The following TRHDE variants were observed in gnomAD, a reference collection of about 807,000 sequenced individuals.
TRHDE encodes thyrotropin releasing hormone degrading enzyme.
In TRHDE, 72 loss-of-function variants were observed where a neutral mutation model predicts 125.7. That is an observed-to-expected ratio of 0.57 (90% CI 0.47 to 0.70). TRHDE has a LOEUF of 0.70. Ranked by LOEUF, TRHDE falls within the 30% of genes least tolerant of loss-of-function variation. TRHDE has a pLI of 0.00. For missense variants in TRHDE, 1,110 were observed against 1,327.1 expected (o/e 0.84, Z 2.54); for synonymous variants, 509 against 509.1 (o/e 1.00, Z 0.00).
intron 2 of TRHDE, among the ~76,000 whole-genome samples, chr12:72,106,039 G>A (rs537124235): frequency 4.9e-4 from 75 of 152,204 alleles, no homozygotes; most frequent in African/African-American, 1.8e-3. Context: ...TGTATTGCTG[G>A]TGGATGATAT....
At chr12:72,568,776 G>A (rs1870580436) in intron 10 of TRHDE, 120 bp downstream of exon 10, 2 of 576,470 alleles carry the variant, frequency 3.5e-6, no homozygotes, top group African/African-American at 3.7e-5. Context: ...AGAATATAAA[G>A]GAATGATTAT....
At chr12:72,466,411 C>G (rs1210005143) in intron 3 of TRHDE, among the ~76,000 whole-genome samples, 2 of 152,144 alleles carry the variant, frequency 1.3e-5, no homozygotes, top group African/African-American at 2.4e-5. Flanking sequence ...AGGCTTGGGT[C>G]AGAAGGCTTG....
intron 5 of TRHDE, among the ~76,000 whole-genome samples, chr12:72,473,655 T>G (rs1876754656): frequency 6.6e-6 from 1 of 152,140 alleles, no homozygotes; most frequent in Non-Finnish European, 1.5e-5. Context: ...ATTTTATATA[T>G]GAAGTTATTC....
At chr12:72,646,862 G>T (rs1874302170) in intron 15 of TRHDE, among the ~76,000 whole-genome samples, 1 of 151,834 alleles carries the variant, frequency 6.6e-6, no homozygotes, top group East Asian at 1.9e-4. Context: ...ACTGAAGGGA[G>T]AAATAAAAAA....
chr12:72,618,778 CTGAATA>C, intron 12 of TRHDE, 107 bp from the exon 13 acceptor site: 1 of 828,202 alleles, frequency 1.2e-6, no homozygotes, highest in Non-Finnish European at 1.8e-6. Context: ...TCTTATAACA[CTGAATA>C]TGCTTTCTTT....
chr12:72,246,937 G>A (rs1878585972), intron 2 of TRHDE, among the ~76,000 whole-genome samples: 1 of 152,160 alleles, frequency 6.6e-6, no homozygotes. Flanking sequence ...ACTGTATTCA[G>A]TTGGATGAAG....
At chr12:72,354,931 A>G (rs79519229) in intron 2 of TRHDE, among the ~76,000 whole-genome samples, 3,472 of 151,520 alleles carry the variant, frequency 0.023, 139 homozygotes, top group African/African-American at 0.077. Flanking sequence ...TGTGATAAGT[A>G]CTATGAGATA....
intron 2 of TRHDE, among the ~76,000 whole-genome samples, chr12:72,266,677 A>G (rs1219553261): frequency 6.6e-6 from 1 of 151,884 alleles, no homozygotes; most frequent in East Asian, 1.9e-4. Flanking sequence ...TTCATAATTT[A>G]TGTAGCAAGT....
chr12:72,399,198 A>T (rs568766797), intron 3 of TRHDE, among the ~76,000 whole-genome samples: 1 of 152,334 alleles, frequency 6.6e-6, no homozygotes, highest in African/African-American at 2.4e-5. Flanking sequence ...TGGAAAAATT[A>T]TCTTCCACAA....
chr12:72,381,526 G>A (rs1041423624), intron 3 of TRHDE, among the ~76,000 whole-genome samples: 19 of 150,520 alleles, frequency 1.3e-4, no homozygotes, highest in African/African-American at 4.6e-4. Flanking sequence ...CTCCCAAGTA[G>A]CTGGGACTAC....
intron 15 of TRHDE, among the ~76,000 whole-genome samples, chr12:72,650,449 T>C (rs1483801172): frequency 6.6e-6 from 1 of 152,100 alleles, no homozygotes; most frequent in Admixed American, 6.6e-5. Flanking sequence ...CATAGTTTAG[T>C]ATATTCTGTT....
Position 72,302,194 on chromosome 12 carries a change from G to A in TRHDE, c.1188+15240G>A, listed in dbSNP as rs558677950. ...AGAGAAAGGTGTTTGAAGAGATAAC[G>A]ATTAAATCAGTAACCTAAATGTTTC... On this transcript the variant is annotated intron_variant, in intron 2 of 18. Transcript: ENST00000261180. Among the ~76,000 whole-genome samples, 6 of 151,978 alleles carry A rather than the reference G, an allele frequency of 3.9e-5. No individual in the cohort carries two copies. The East Asian group carries it at 7.7e-4, about 20-fold the overall frequency.
chr12:72,290,047 C>T (rs1239685431), intron 2 of TRHDE, among the ~76,000 whole-genome samples: 4 of 152,148 alleles, frequency 2.6e-5, no homozygotes, highest in Non-Finnish European at 5.9e-5. Flanking sequence ...TACGTATTCA[C>T]GAATTGCTTT....
intron 2 of TRHDE, among the ~76,000 whole-genome samples, chr12:72,152,451 A>C (rs1234733732): frequency 6.6e-6 from 1 of 152,134 alleles, no homozygotes; most frequent in Non-Finnish European, 1.5e-5. Context: ...GGAGTGGTGA[A>C]AGAGGGCATC....
chr12:72,196,083 T>C (rs1484894624), intron 2 of TRHDE, among the ~76,000 whole-genome samples: 1 of 152,198 alleles, frequency 6.6e-6, no homozygotes, highest in Non-Finnish European at 1.5e-5. Flanking sequence ...CATTGGTCTA[T>C]GTATCTGTTT....
At chr12:72,438,304 T>A (rs1874837291) in intron 3 of TRHDE, among the ~76,000 whole-genome samples, 1 of 151,898 alleles carries the variant, frequency 6.6e-6, no homozygotes, top group Admixed American at 6.6e-5. Context: ...ATAGTGGGAT[T>A]CCTGGGTCAT....
rs992205463 is a variant in TRHDE at position 72,500,864 on chromosome 12, T to G, written c.1722+1229T>G. ...CAACTTTGTTCTTTTTTTTTTTTTT[T>G]TTTTTTTTAAGTTTCTTTGGTCCTT... On this transcript the variant is annotated intron_variant, in intron 6 of 18. Transcript: ENST00000261180. 2.0e-5 allele frequency among the ~76,000 whole-genome samples: 3 copies of G among 149,810 alleles called. No individual in the cohort carries two copies. The East Asian group carries it at 5.8e-4, about 29-fold the overall frequency.
At chr12:72,334,526 T>A (rs540468683) in intron 2 of TRHDE, among the ~76,000 whole-genome samples, 1 of 152,338 alleles carries the variant, frequency 6.6e-6, no homozygotes, top group African/African-American at 2.4e-5. Flanking sequence ...ACAGGAAATT[T>A]CTTTTACCTG....
At chr12:72,361,030 C>G (rs963681672) in intron 2 of TRHDE, among the ~76,000 whole-genome samples, 1 of 151,726 alleles carries the variant, frequency 6.6e-6, no homozygotes, top group Non-Finnish European at 1.5e-5. Context: ...CTCCCTGTGT[C>G]CATATGTTCT....
Sources: gnomAD v4.1 joint callset for allele counts (sites outside exome capture counted in the v4.1 genomes callset) on GRCh38, gnomAD v4.1.1 for gene constraint, MANE v1.5 for transcripts, NCBI Gene and HGNC (gene_info 2026-07-23, HGNC 2026-07-21) for gene names.